The following PIGL variants were observed in gnomAD, a reference collection of about 807,000 sequenced individuals.
PIGL encodes the protein phosphatidylinositol glycan anchor biosynthesis class L.
PIGL carries 22 observed loss-of-function variants against 31.1 expected under a neutral mutation model. The observed-to-expected ratio is 0.71, with a 90% CI of 0.51 to 1.01. PIGL has a LOEUF of 1.01. Among genes scored for constraint, PIGL ranks in the 50% least tolerant of loss-of-function variants. The pLI is 0.00. For synonymous variants in PIGL, 131 were observed against 117.4 expected (o/e 1.12, Z -0.75); for missense variants, 302 against 315.9 (o/e 0.96, Z 0.33).
At chr17:16,314,002 A>T (rs1166561985) in intron 4 of PIGL, among the ~76,000 whole-genome samples, 1 of 152,118 alleles carries the variant, frequency 6.6e-6, no homozygotes, top group African/African-American at 2.4e-5. Flanking sequence ...CACCTTCACC[A>T]TCTTCTTCCC....
chr17:16,310,077 C>CA (rs58352380), intron 3 of PIGL, among the ~76,000 whole-genome samples: 46,406 of 88,322 alleles, frequency 0.53, 10,364 homozygotes, highest in East Asian at 0.78. Flanking sequence ...GACTCCATCT[C>CA]AAAAAAAAAA....
intron 2 of PIGL, among the ~76,000 whole-genome samples, chr17:16,248,547 T>C (rs1017324746): frequency 2.6e-5 from 4 of 152,186 alleles, no homozygotes; most frequent in Non-Finnish European, 5.9e-5. Context: ...TGACATTCTG[T>C]TCATGATTGT....
chr17:16,258,103 A>G (rs138065733), intron 2 of PIGL, among the ~76,000 whole-genome samples: 873 of 65,048 alleles, frequency 0.013, 1 homozygote, highest in African/African-American at 0.033. Context: ...GAGAGAGAGA[A>G]AGAGAGAGAG....
intron 2 of PIGL, among the ~76,000 whole-genome samples, chr17:16,239,367 C>T (rs991548873): frequency 2.6e-5 from 4 of 151,656 alleles, no homozygotes; most frequent in African/African-American, 9.7e-5. Flanking sequence ...CCTGTAATCC[C>T]AGCTACACAG....
At chr17:16,300,238 G>A (rs1414223347) in intron 3 of PIGL, 2 of 417,082 alleles carry the variant, frequency 4.8e-6, no homozygotes, top group East Asian at 4.1e-5. Flanking sequence ...TTTCTAAACT[G>A]TGTCCTCCTT....
intron 2 of PIGL, among the ~76,000 whole-genome samples, chr17:16,253,267 AAACAACAAC>A (rs780274424): frequency 6.6e-6 from 1 of 152,108 alleles, no homozygotes; most frequent in Admixed American, 6.6e-5. Flanking sequence ...AAAAACAAAC[AAACAACAAC>A]AACAACAAAA....
intron 1 of PIGL, among the ~76,000 whole-genome samples, chr17:16,220,220 C>CGGGT (rs2092620404): frequency 6.6e-6 from 1 of 151,782 alleles, no homozygotes; most frequent in African/African-American, 2.4e-5. Flanking sequence ...TGGTGGTCCA[C>CGGGT]GCCTGTAGTC....
At chr17:16,280,845 C>T (rs2092913926) in intron 2 of PIGL, among the ~76,000 whole-genome samples, 1 of 152,162 alleles carries the variant, frequency 6.6e-6, no homozygotes, top group Non-Finnish European at 1.5e-5. Flanking sequence ...GCTGGGATTA[C>T]AGATGCCTGC....
intron 3 of PIGL, among the ~76,000 whole-genome samples, chr17:16,307,106 C>T (rs1434123631): frequency 6.6e-6 from 1 of 152,182 alleles, no homozygotes; most frequent in African/African-American, 2.4e-5. Flanking sequence ...TGGCACAACC[C>T]TTCTTTCTGT....
chr17:16,245,607 G>GT (rs1257027562), intron 2 of PIGL, among the ~76,000 whole-genome samples: 4 of 148,998 alleles, frequency 2.7e-5, no homozygotes, highest in African/African-American at 7.4e-5. Flanking sequence ...GTTTCACCAT[G>GT]TTGGGCAGGA....
At chr17:16,240,333 T>C (rs1301600940) in intron 2 of PIGL, among the ~76,000 whole-genome samples, 1 of 152,018 alleles carries the variant, frequency 6.6e-6, no homozygotes, top group Non-Finnish European at 1.5e-5. Flanking sequence ...TCCTTATAAA[T>C]TACCCAGTCT....
At chr17:16,303,937 A>G (rs995646673) in intron 3 of PIGL, among the ~76,000 whole-genome samples, 4 of 151,920 alleles carry the variant, frequency 2.6e-5, no homozygotes, top group Admixed American at 2.6e-4. Flanking sequence ...GATGGTCTCG[A>G]TCTCCTGACC....
chr17:16,245,683 G>A (rs2092742230), intron 2 of PIGL, among the ~76,000 whole-genome samples: 1 of 151,080 alleles, frequency 6.6e-6, no homozygotes, highest in Non-Finnish European at 1.5e-5. Flanking sequence ...GATTACAGGT[G>A]TGAGCCACTA....
rs548271074 is a variant in PIGL, at chr17:16,247,682, C to T, written c.335+13612C>T. 3.9e-5 allele frequency among the ~76,000 whole-genome samples: 6 copies of T among 152,286 alleles called. No individual in the cohort carries two copies. The East Asian group carries it at 9.6e-4, about 24-fold the overall frequency. ...GTCATTCTTCCCTTTTCTTGAAGGA[C>T]GACGCATGTTTGCAGCCAGATAGCT... On this transcript the variant is annotated intron_variant, in intron 2 of 6. Transcript: ENST00000225609.
intron 1 of PIGL, among the ~76,000 whole-genome samples, chr17:16,228,035 A>G (rs80107263): frequency 0.049 from 7,346 of 149,580 alleles, 216 homozygotes; most frequent in African/African-American, 0.092. Flanking sequence ...CATAACAAGA[A>G]CTTACCATTT....
chr17:16,301,270 CT>C (rs963376570), intron 3 of PIGL, among the ~76,000 whole-genome samples: 4 of 147,088 alleles, frequency 2.7e-5, no homozygotes, highest in Admixed American at 6.8e-5. Context: ...TTTCTTTTTT[CT>C]TTTTTTTTTC....
chr17:16,308,536 T>C (rs1354353390), intron 3 of PIGL, among the ~76,000 whole-genome samples: 1 of 152,070 alleles, frequency 6.6e-6, no homozygotes, highest in Non-Finnish European at 1.5e-5. Flanking sequence ...CAGAAGCACT[T>C]AGTCCCTGCT....
intron 6 of PIGL, among the ~76,000 whole-genome samples, chr17:16,319,957 T>C (rs2093095994): frequency 6.6e-6 from 1 of 151,606 alleles, no homozygotes; most frequent in Admixed American, 6.6e-5. Context: ...CCCTGTAGAC[T>C]TAAGCCCCCC....
Position 16,261,956 on chromosome 17 carries a change from C to T in PIGL, c.335+27886C>T, listed in dbSNP as rs57281812. ...TTGCCACTGTGGCCAGGCATGGTGG[C>T]TCATGCCTGTAATCCCAGCACTTTG... is the stretch of plus-strand genomic sequence containing the variant. On this transcript the variant is annotated intron_variant, in intron 2 of 6. Transcript: ENST00000225609. 4.5e-3 allele frequency among the ~76,000 whole-genome samples: 683 copies of T among 151,654 alleles called. 9 individuals carry two copies. Among genetic ancestry groups the T allele is most frequent in the African/African-American group, 0.015 (638 of 41,346 alleles).
Sources: allele counts gnomAD v4.1 joint callset (sites outside exome capture counted in the v4.1 genomes callset), GRCh38; gene constraint gnomAD v4.1.1; transcripts MANE v1.5; gene names NCBI Gene and HGNC (gene_info 2026-07-23, HGNC 2026-07-21).